The following SUGCT variants were observed in gnomAD, a reference collection of about 807,000 sequenced individuals.
The protein encoded by SUGCT is succinyl-CoA:glutarate CoA-transferase.
A neutral mutation model predicts 55.0 loss-of-function variants in SUGCT; 41 were observed. The ratio of observed to expected loss-of-function variants is 0.74; its 90% confidence interval spans 0.58 to 0.97. The LOEUF is 0.97. SUGCT is among the 50% of genes least tolerant of loss of function. SUGCT has a pLI of 0.00. For synonymous variants in SUGCT, 187 were observed against 200.4 expected (o/e 0.93, Z 0.56); for missense variants, 568 against 547.8 (o/e 1.04, Z -0.37).
chr7:40,601,500 A>G (rs1798284036), intron 12 of SUGCT, among the ~76,000 whole-genome samples: 1 of 152,236 alleles, frequency 6.6e-6, no homozygotes, highest in African/African-American at 2.4e-5. Context: ...AAATACTTAC[A>G]TGAACCACAA....
At chr7:40,842,797 T>C (rs1366191731) in intron 13 of SUGCT, among the ~76,000 whole-genome samples, 2 of 152,224 alleles carry the variant, frequency 1.3e-5, no homozygotes, top group Non-Finnish European at 2.9e-5. Flanking sequence ...AGGGCCTCTT[T>C]CTTGTGGGTA....
At chr7:40,420,902 G>A (rs1299336868) in intron 9 of SUGCT, among the ~76,000 whole-genome samples, 1 of 152,226 alleles carries the variant, frequency 6.6e-6, no homozygotes, top group African/African-American at 2.4e-5. Context: ...CACCAAGTTT[G>A]TAGAGCCTTT....
chr7:40,731,586 G>A (rs921297672), intron 12 of SUGCT, among the ~76,000 whole-genome samples: 1 of 151,980 alleles, frequency 6.6e-6, no homozygotes, highest in Non-Finnish European at 1.5e-5. Flanking sequence ...GCATGAATCT[G>A]CATTTACATG....
chr7:40,973,059 G>C, the SUGCT span, among the ~76,000 whole-genome samples: 1 of 152,152 alleles, frequency 6.6e-6, no homozygotes, highest in Non-Finnish European at 1.5e-5. Flanking sequence ...GGGTATTTTA[G>C]CAGAGCCATT....
the SUGCT span, among the ~76,000 whole-genome samples, chr7:40,946,163 T>C: frequency 6.6e-6 from 1 of 151,724 alleles, no homozygotes; most frequent in Non-Finnish European, 1.5e-5. Flanking sequence ...TGTAACAGAC[T>C]GTGTTGATTG....
intron 9 of SUGCT, among the ~76,000 whole-genome samples, chr7:40,366,618 A>C (rs1414261611): frequency 6.6e-6 from 1 of 152,220 alleles, no homozygotes; most frequent in Non-Finnish European, 1.5e-5. Context: ...ATGAACAGAC[A>C]CTTCTCAAAA....
At chr7:40,840,112 C>T in intron 13 of SUGCT, among the ~76,000 whole-genome samples, 1 of 152,108 alleles carries the variant, frequency 6.6e-6, no homozygotes, top group East Asian at 1.9e-4. Flanking sequence ...AGCATGCCAA[C>T]TCAAAAATGC....
the SUGCT span, among the ~76,000 whole-genome samples, chr7:40,988,574 C>G: frequency 3.3e-5 from 5 of 151,878 alleles, no homozygotes; most frequent in Non-Finnish European, 7.4e-5. Flanking sequence ...GATACTGATA[C>G]TGGGGATAAT....
chr7:40,408,041 C>T lies in SUGCT; in HGVS notation c.817-41246C>T, dbSNP rs377018121. 2.0e-3 allele frequency among the ~76,000 whole-genome samples: 305 copies of T among 152,124 alleles called. 12 individuals are homozygous for T. In the South Asian group the frequency reaches 0.059, roughly 29 times the overall value. On this transcript the variant is annotated intron_variant, in intron 9 of 13. Coordinates refer to ENST00000335693, the MANE Select transcript of SUGCT (RefSeq NM_001193313.2). ...TACTTTTCTGTAGTCTTTTGGTAGTCATTATGTAAAAAAATTTGGAAGGCA... is the reference window on the plus strand; with the variant it reads ...TACTTTTCTGTAGTCTTTTGGTAGTTATTATGTAAAAAAATTTGGAAGGCA...
the SUGCT span, among the ~76,000 whole-genome samples, chr7:41,019,132 C>T: frequency 1.3e-5 from 2 of 152,172 alleles, no homozygotes; most frequent in Non-Finnish European, 2.9e-5. Context: ...TCTTGAACTC[C>T]TGACCTCAGG....
intron 8 of SUGCT, among the ~76,000 whole-genome samples, chr7:40,280,838 A>G (rs1419341635): frequency 2.6e-5 from 4 of 152,184 alleles, no homozygotes; most frequent in Admixed American, 2.0e-4. Flanking sequence ...TGTAACCATC[A>G]GTATTAATCA....
intron 10 of SUGCT, among the ~76,000 whole-genome samples, chr7:40,450,198 A>T (rs1583707911): frequency 6.6e-6 from 1 of 151,930 alleles, no homozygotes; most frequent in African/African-American, 2.4e-5. Flanking sequence ...AAAGTTCTAG[A>T]ATTACAGGCG....
intron 6 of SUGCT, among the ~76,000 whole-genome samples, chr7:40,228,284 T>G (rs1788507578): frequency 6.6e-6 from 1 of 152,190 alleles, no homozygotes; most frequent in Admixed American, 6.6e-5. Context: ...TAGTTGGTAA[T>G]TTGAATTGGG....
intron 9 of SUGCT, among the ~76,000 whole-genome samples, chr7:40,440,266 T>C (rs1788442282): frequency 6.6e-6 from 1 of 151,126 alleles, no homozygotes; most frequent in South Asian, 2.1e-4. Flanking sequence ...TTGAAGTGAT[T>C]CTTCTGCCTC....
At chr7:40,725,557 C>T (rs917289191) in intron 12 of SUGCT, among the ~76,000 whole-genome samples, 13 of 151,836 alleles carry the variant, frequency 8.6e-5, no homozygotes, top group African/African-American at 3.1e-4. Flanking sequence ...AGACATTGAG[C>T]AGTAGGGACC....
chr7:40,728,351 T>A (rs1786714964), intron 12 of SUGCT, among the ~76,000 whole-genome samples: 1 of 152,064 alleles, frequency 6.6e-6, no homozygotes, highest in Admixed American at 6.6e-5. Context: ...AAACACTGTC[T>A]CTACTAAAAA....
intron 12 of SUGCT, among the ~76,000 whole-genome samples, chr7:40,715,981 T>C (rs2128677999): frequency 6.6e-6 from 1 of 152,350 alleles, no homozygotes; most frequent in South Asian, 2.1e-4. Context: ...TAGCTGGCGT[T>C]CTGAAGTCAG....
At chr7:40,489,710 A>C (rs1791577878) in intron 11 of SUGCT, among the ~76,000 whole-genome samples, 1 of 152,042 alleles carries the variant, frequency 6.6e-6, no homozygotes. Context: ...AAAAACAAAA[A>C]CAAACAACAG....
At chr7:40,427,377 T>A (rs1223455648) in intron 9 of SUGCT, among the ~76,000 whole-genome samples, 1 of 152,192 alleles carries the variant, frequency 6.6e-6, no homozygotes, top group Non-Finnish European at 1.5e-5. Context: ...GCTAAGTCAG[T>A]GGCAGTACTG....
Sources: gnomAD v4.1 joint callset for allele counts (sites outside exome capture counted in the v4.1 genomes callset) on GRCh38, gnomAD v4.1.1 for gene constraint, MANE v1.5 for transcripts, NCBI Gene and HGNC (gene_info 2026-07-23, HGNC 2026-07-21) for gene names.